USH2A: variants seen among roughly 807,000 people sequenced by gnomAD.
USH2A encodes Usher syndrome 2A (autosomal recessive, mild).
USH2A carries 443 observed loss-of-function variants against 538.9 expected under a neutral mutation model. The ratio of observed to expected loss-of-function variants is 0.82; its 90% confidence interval spans 0.76 to 0.89. The LOEUF is 0.89. USH2A is among the 40% of genes least tolerant of loss of function. The pLI, the probability that USH2A is intolerant of heterozygous loss-of-function variation, is 0.00. For synonymous variants in USH2A, 2,413 were observed against 2,273.5 expected, an observed-to-expected ratio of 1.06 and a Z score of -1.75; for missense variants, 6,633 against 6,324.8, an observed-to-expected ratio of 1.05 and a Z score of -1.65.
chr1:216,083,887 G>A (rs2032029494), intron 25 of USH2A, among the ~76,000 whole-genome samples: 1 of 152,086 alleles, frequency 6.6e-6, no homozygotes, highest in Non-Finnish European at 1.5e-5. Context: ...ACAATAAGTA[G>A]TTTGCATTGA....
intron 38 of USH2A, among the ~76,000 whole-genome samples, chr1:215,916,111 A>C (rs1199415117): frequency 6.6e-6 from 1 of 151,746 alleles, no homozygotes; most frequent in Non-Finnish European, 1.5e-5. Context: ...TGGGTATAGC[A>C]CACCAGCATG....
At chr1:215,696,945 CT>C (rs141814764) in intron 61 of USH2A, among the ~76,000 whole-genome samples, 24 of 148,246 alleles carry the variant, frequency 1.6e-4, no homozygotes, top group Middle Eastern at 3.4e-3. Context: ...ATTACACCCT[CT>C]TTTTTTTTTG....
chr1:216,287,581 C>T (rs2036911083), intron 11 of USH2A, among the ~76,000 whole-genome samples: 1 of 151,928 alleles, frequency 6.6e-6, no homozygotes. Context: ...CAGAACCACC[C>T]AAGGTTGTCT....
At chr1:216,265,871 G>T (rs1302956798) in intron 11 of USH2A, among the ~76,000 whole-genome samples, 1 of 152,022 alleles carries the variant, frequency 6.6e-6, no homozygotes, top group Non-Finnish European at 1.5e-5. Context: ...GTAGAAGGTC[G>T]AATAGTGGTT....
At chr1:216,316,761 A>G (rs2037517414) in intron 9 of USH2A, among the ~76,000 whole-genome samples, 1 of 152,062 alleles carries the variant, frequency 6.6e-6, no homozygotes, top group African/African-American at 2.4e-5. Flanking sequence ...TTTTTTTCAT[A>G]CGTTTGTTGG....
chr1:215,976,287 T>C (rs1667617383), intron 35 of USH2A, among the ~76,000 whole-genome samples: 2 of 152,154 alleles, frequency 1.3e-5, no homozygotes, highest in South Asian at 2.1e-4. Context: ...CTTTTCCTAG[T>C]AGGATTTCTT....
At chr1:215,759,339 A>G (rs867139707) in intron 57 of USH2A, among the ~76,000 whole-genome samples, 33 of 152,162 alleles carry the variant, frequency 2.2e-4, no homozygotes, top group Admixed American at 1.0e-3. Context: ...AACTCTTTAC[A>G]TCTCTTTTAT....
chr1:216,337,991 GA>G lies in USH2A; in HGVS notation c.785-10338del, dbSNP rs981860036. On this transcript the variant is annotated intron_variant, in intron 4 of 71. Transcript: ENST00000307340. ...ATAAGTTATGAGTATTTTATTTATA[GA>G]AATTTACTAAAAGACATAAAAGAAG... Among the ~76,000 whole-genome samples, 304 of 150,742 alleles carry G rather than the reference GA, an allele frequency of 2.0e-3. 1 individual carries two copies. The highest frequency in any genetic ancestry group is 5.8e-3 in the African/African-American group (238 of 41,252).
rs1045860710 is a variant in USH2A at position 215,728,067 on chromosome 1, G to A, written c.12029C>T (p.Thr4010Ile). Residue 4010 changes from threonine to isoleucine, a missense_variant, in exon 61 of 72, where the codon ACA becomes ATA. Transcript: ENST00000307340. ...VVYQERPDDPTFNSPTVHAFT... is the reference protein window; with the variant it reads ...VVYQERPDDPIFNSPTVHAFT... ...AGCATGCACGGTAGGGCTGTTAAAT[G>A]TAGGATCGTCGGGTCTCTCCTGGTA... is the stretch of plus-strand genomic sequence containing the variant. The A allele has an allele frequency of 1.2e-6, 2 of 1,614,194 alleles. No individual in the cohort carries two copies. The highest frequency in any genetic ancestry group is 1.7e-6 in the Non-Finnish European group (2 of 1,180,046).
chr1:216,215,392 TTTGTGAAGCCAA>T (rs1395906672), intron 15 of USH2A, among the ~76,000 whole-genome samples: 2 of 152,108 alleles, frequency 1.3e-5, no homozygotes, highest in Non-Finnish European at 2.9e-5. Context: ...TCATCATATC[TTTGTGAAGCCAA>T]TTGTTCTGGC....
chr1:215,662,818 C>T (rs1657484582), intron 64 of USH2A, among the ~76,000 whole-genome samples: 3 of 152,192 alleles, frequency 2.0e-5, no homozygotes, highest in Admixed American at 2.0e-4. Context: ...AACCTCCATG[C>T]TGGTCGGAAA....
chr1:216,296,508 G>C (rs538775399), intron 9 of USH2A, among the ~76,000 whole-genome samples: 4 of 152,038 alleles, frequency 2.6e-5, no homozygotes, highest in African/African-American at 7.2e-5. Flanking sequence ...CATGCATTAG[G>C]AGCATGATAG....
chr1:215,842,198 G>A (rs1663699116), intron 46 of USH2A, among the ~76,000 whole-genome samples: 1 of 151,880 alleles, frequency 6.6e-6, no homozygotes, highest in African/African-American at 2.4e-5. Flanking sequence ...GTGTGGTGGT[G>A]GGCACCTGGA....
intron 61 of USH2A, among the ~76,000 whole-genome samples, chr1:215,722,120 T>C (rs1021604465): frequency 1.3e-5 from 2 of 151,570 alleles, no homozygotes; most frequent in East Asian, 1.9e-4. Context: ...TTTTGTGTGA[T>C]ATTTACTCAC....
At chr1:215,703,879 A>G (rs113834055) in intron 61 of USH2A, among the ~76,000 whole-genome samples, 3,067 of 151,952 alleles carry the variant, frequency 0.02, 103 homozygotes, top group African/African-American at 0.07. Flanking sequence ...AAACTCCTGC[A>G]GCTACCTCAG....
chr1:216,287,073 A>G (rs2036900321), intron 11 of USH2A, among the ~76,000 whole-genome samples: 1 of 152,242 alleles, frequency 6.6e-6, no homozygotes, highest in Admixed American at 6.5e-5. Context: ...ATTTAACAAT[A>G]TATGAAAAGA....
At chr1:216,351,409 G>C (rs912499230) in intron 4 of USH2A, among the ~76,000 whole-genome samples, 1 of 152,142 alleles carries the variant, frequency 6.6e-6, no homozygotes, top group Non-Finnish European at 1.5e-5. Flanking sequence ...GTTCCAGGTT[G>C]AAAGAACAGC....
intron 21 of USH2A, among the ~76,000 whole-genome samples, chr1:216,107,643 A>T (rs2032769094): frequency 6.7e-6 from 1 of 148,550 alleles, no homozygotes; most frequent in Non-Finnish European, 1.5e-5. Flanking sequence ...ACTTAATTTT[A>T]CCATCTTGCT....
intron 37 of USH2A, among the ~76,000 whole-genome samples, chr1:215,953,141 A>G (rs1666966364): frequency 6.6e-6 from 1 of 152,136 alleles, no homozygotes. Flanking sequence ...CATACTGCCC[A>G]AGGTAATTTA....
Sources: allele counts gnomAD v4.1 joint callset (sites outside exome capture counted in the v4.1 genomes callset), GRCh38; gene constraint gnomAD v4.1.1; transcripts MANE v1.5; gene names NCBI Gene and HGNC (gene_info 2026-07-23, HGNC 2026-07-21).